ADGRA3: variants seen among roughly 807,000 people sequenced by gnomAD.
ADGRA3 encodes adhesion G protein-coupled receptor A3.
A neutral mutation model predicts 119.8 loss-of-function variants in ADGRA3; 56 were observed. The observed-to-expected ratio is 0.47, with a 90% CI of 0.38 to 0.58. The LOEUF is 0.58. Ranked by LOEUF, ADGRA3 falls within the 20% of genes least tolerant of loss-of-function variation. The pLI is 0.00. For missense variants in ADGRA3, 1,516 were observed against 1,649.0 expected, an observed-to-expected ratio of 0.92 and a Z score of 1.40; for synonymous variants, 607 against 623.8, an observed-to-expected ratio of 0.97 and a Z score of 0.40.
At chr4:22,450,920 A>G (rs1717011047) in intron 4 of ADGRA3, among the ~76,000 whole-genome samples, 1 of 114,746 alleles carries the variant, frequency 8.7e-6, no homozygotes, top group Admixed American at 1.1e-4. Flanking sequence ...GTGTCTATGC[A>G]TTTCTGGATA....
rs145895293 is a variant in ADGRA3, at chr4:22,511,624, C to T, written c.257+3904G>A. 4.6e-5 allele frequency among the ~76,000 whole-genome samples: 7 copies of T among 152,298 alleles called. No individual in the cohort carries two copies. The East Asian group carries it at 7.7e-4, about 17-fold the overall frequency. ...AATTTTCCTCTCTGTGGCCACATCA[C>T]GACTCAGCTGAAAACACCTGGCCAC... On this transcript the variant is annotated intron_variant, in intron 1 of 18. Transcript: ENST00000334304.
chr4:22,396,328 C>T (rs900632966), intron 16 of ADGRA3, among the ~76,000 whole-genome samples: 2 of 152,172 alleles, frequency 1.3e-5, no homozygotes, highest in African/African-American at 2.4e-5. Context: ...GAAGAAACTA[C>T]ATTACAACCC....
In ADGRA3 at chr4:22,508,028, C is replaced by T. The variant is rs542152039; in HGVS notation, c.257+7500G>A. Among the ~76,000 whole-genome samples, 4 of 152,308 alleles carry T rather than the reference C, an allele frequency of 2.6e-5. No homozygotes were observed. The South Asian group carries it at 8.3e-4, about 32-fold the overall frequency. ...TTTTCCTGCTCTTCCACCACGTAGTCGTATCTCTGTTAGCATTACTCTTGC... is the reference window on the plus strand; with the variant it reads ...TTTTCCTGCTCTTCCACCACGTAGTTGTATCTCTGTTAGCATTACTCTTGC... On this transcript the variant is annotated intron_variant, in intron 1 of 18. Coordinates refer to ENST00000334304, the MANE Select transcript of ADGRA3 (RefSeq NM_145290.4).
intron 4 of ADGRA3, among the ~76,000 whole-genome samples, chr4:22,451,768 T>C (rs1298399256): frequency 1.3e-5 from 2 of 152,222 alleles, no homozygotes; most frequent in Non-Finnish European, 2.9e-5. Flanking sequence ...AGGAAACGGC[T>C]AGAACAGTGA....
At chr4:22,413,034 T>C (rs1017590217) in intron 14 of ADGRA3, 148 bp downstream of exon 14, 5 of 630,578 alleles carry the variant, frequency 7.9e-6, no homozygotes, top group East Asian at 5.4e-5. Flanking sequence ...TTAGAACACA[T>C]ATCATCTCAT....
intron 2 of ADGRA3, among the ~76,000 whole-genome samples, chr4:22,465,638 T>A (rs1328187510): frequency 6.6e-6 from 1 of 152,086 alleles, no homozygotes; most frequent in Non-Finnish European, 1.5e-5. Flanking sequence ...GACCTTATAA[T>A]CACCCTAGGA....
intron 1 of ADGRA3, among the ~76,000 whole-genome samples, chr4:22,491,233 T>C (rs913207982): frequency 1.3e-5 from 2 of 152,110 alleles, no homozygotes; most frequent in Admixed American, 1.3e-4. Flanking sequence ...GTAATAAAAC[T>C]CCAGGGCAGA....
intron 10 of ADGRA3, among the ~76,000 whole-genome samples, chr4:22,429,799 A>G (rs1270696571): frequency 6.6e-6 from 1 of 152,186 alleles, no homozygotes; most frequent in African/African-American, 2.4e-5. Context: ...AAGCAAGCAA[A>G]TATCACAGTT....
chr4:22,436,489 C>T lies in ADGRA3; in HGVS notation c.1238G>A (p.Arg413His), dbSNP rs144734405. ...AGTGACATCATTTGCATACTGACAGCGAGAATAATCATCATCTGCCCAAAA... is the reference window on the plus strand; with the variant it reads ...AGTGACATCATTTGCATACTGACAGTGAGAATAATCATCATCTGCCCAAAA... ...GGFWADDDYS[R>H]CQYANDVTRV... is the part of the protein sequence containing the mutation. Residue 413 changes from arginine to histidine, a missense_variant, in exon 9 of 19, where the codon CGC becomes CAC. By Grantham distance (29) the Arg-to-His change is conservative (BLOSUM62 0). Transcript: ENST00000334304. 35 of 1,612,356 alleles carry T rather than the reference C, an allele frequency of 2.2e-5. No individual in the cohort carries two copies. The highest frequency in any genetic ancestry group is 2.6e-5 in the Non-Finnish European group (31 of 1,179,824).
At chr4:22,407,978 A>G (rs887730422) in intron 14 of ADGRA3, among the ~76,000 whole-genome samples, 10 of 152,140 alleles carry the variant, frequency 6.6e-5, no homozygotes, top group Non-Finnish European at 1.2e-4. Flanking sequence ...ATAAAGAATT[A>G]TAATAAGAGT....
chr4:22,442,583 C>T, intron 7 of ADGRA3, 67 bp downstream of exon 7: 2 of 1,083,250 alleles, frequency 1.8e-6, no homozygotes, highest in Non-Finnish European at 2.7e-6. Flanking sequence ...CTAAACATTA[C>T]ACCTCCAAAA....
chr4:22,450,151 AT>A (rs970885170), intron 4 of ADGRA3, among the ~76,000 whole-genome samples: 5 of 152,174 alleles, frequency 3.3e-5, no homozygotes, highest in African/African-American at 1.2e-4. Flanking sequence ...ACATAAATAA[AT>A]AAAACTAAGA....
intron 3 of ADGRA3, among the ~76,000 whole-genome samples, chr4:22,461,449 C>A (rs1717449389): frequency 6.6e-6 from 1 of 152,154 alleles, no homozygotes; most frequent in Admixed American, 6.6e-5. Flanking sequence ...TACAGGCACA[C>A]ACCACCATGC....
chr4:22,432,329 A>G (rs1247172046), intron 10 of ADGRA3, among the ~76,000 whole-genome samples: 1 of 152,190 alleles, frequency 6.6e-6, no homozygotes, highest in African/African-American at 2.4e-5. Flanking sequence ...ATCACTGCGT[A>G]TAACAAATCC....
chr4:22,473,452 G>A (rs1447566043), intron 2 of ADGRA3, among the ~76,000 whole-genome samples: 3 of 152,082 alleles, frequency 2.0e-5, no homozygotes, highest in East Asian at 3.9e-4. Flanking sequence ...CATCCACGTC[G>A]ATTCATTTAT....
At chr4:22,441,313 G>A (rs1246071854) in intron 7 of ADGRA3, among the ~76,000 whole-genome samples, 2 of 152,160 alleles carry the variant, frequency 1.3e-5, no homozygotes, top group Non-Finnish European at 2.9e-5. Flanking sequence ...CCTACCAGAG[G>A]GGACAGAGCT....
At chr4:22,455,397 T>A (rs1350431875) in intron 3 of ADGRA3, among the ~76,000 whole-genome samples, 3 of 152,068 alleles carry the variant, frequency 2.0e-5, no homozygotes, top group African/African-American at 7.2e-5. Context: ...CTCGGAAACA[T>A]CTGAAAATAC....
chr4:22,488,973 AT>A (rs1318823240), intron 1 of ADGRA3, among the ~76,000 whole-genome samples: 12 of 152,162 alleles, frequency 7.9e-5, no homozygotes, highest in Non-Finnish European at 1.8e-4. Context: ...TTGGGGAGAT[AT>A]TATTTAACAG....
At chr4:22,509,888 T>C (rs1283171174) in intron 1 of ADGRA3, among the ~76,000 whole-genome samples, 14 of 151,140 alleles carry the variant, frequency 9.3e-5, no homozygotes, top group African/African-American at 3.4e-4. Context: ...CGGGCGCCTG[T>C]AGTCCCAGCT....
Sources: gnomAD v4.1 joint callset for allele counts (sites outside exome capture counted in the v4.1 genomes callset) on GRCh38, gnomAD v4.1.1 for gene constraint, MANE v1.5 for transcripts, NCBI Gene and HGNC (gene_info 2026-07-23, HGNC 2026-07-21) for gene names.